AIM2: variants seen among roughly 807,000 people sequenced by gnomAD.
AIM2 encodes absent in melanoma 2.
AIM2 carries 30 observed loss-of-function variants against 27.7 expected under a neutral mutation model. The ratio of observed to expected loss-of-function variants is 1.08; its 90% CI spans 0.81 to 1.47. The LOEUF (loss-of-function observed/expected upper bound fraction) is 1.47. AIM2 is among the 40% of genes most tolerant of loss of function. The pLI, the probability that AIM2 is intolerant of heterozygous loss-of-function variation, is 0.00. For synonymous variants in AIM2, 141 were observed against 145.3 expected, an observed-to-expected ratio of 0.97 and a Z score of 0.21; for missense variants, 358 against 411.3, an observed-to-expected ratio of 0.87 and a Z score of 1.12.
intron 1 of AIM2, among the ~76,000 whole-genome samples, chr1:159,098,425 A>G (rs935651721): frequency 7.2e-5 from 11 of 152,194 alleles, no homozygotes; most frequent in African/African-American, 2.2e-4. Flanking sequence ...AAATATTAAT[A>G]AAAGTAAAAA....
At chr1:159,056,992 T>A in the AIM2 span, among the ~76,000 whole-genome samples, 1 of 152,182 alleles carries the variant, frequency 6.6e-6, no homozygotes, top group African/African-American at 2.4e-5. Context: ...GGGTACAGAT[T>A]GAAAATGAAT....
intron 1 of AIM2, among the ~76,000 whole-genome samples, chr1:159,133,356 T>A (rs1647943596): frequency 6.6e-6 from 1 of 152,212 alleles, no homozygotes; most frequent in South Asian, 2.1e-4. Context: ...ATAATGCTAT[T>A]CTCTCTCATT....
upstream of AIM2, among the ~76,000 whole-genome samples, chr1:159,080,043 T>G (rs1656739849): frequency 6.6e-6 from 1 of 152,188 alleles, no homozygotes. Flanking sequence ...CACTAAAAAA[T>G]ATTCCATTGT....
At chr1:159,110,178 A>G (rs1657534669) in intron 1 of AIM2, among the ~76,000 whole-genome samples, 1 of 152,188 alleles carries the variant, frequency 6.6e-6, no homozygotes, top group Non-Finnish European at 1.5e-5. Context: ...TCAACCAATG[A>G]GGATAAAGAG....
chr1:159,130,847 C>T (rs2852729), intron 1 of AIM2, among the ~76,000 whole-genome samples: 6,998 of 150,106 alleles, frequency 0.047, 544 homozygotes, highest in African/African-American at 0.16. Flanking sequence ...CACACACGCA[C>T]GCACTCTTCA....
chr1:159,074,521 G>T (rs1656511378), intron 1 of AIM2, among the ~76,000 whole-genome samples: 1 of 151,298 alleles, frequency 6.6e-6, no homozygotes, highest in African/African-American at 2.4e-5. Flanking sequence ...TCTTTATTCT[G>T]TCCATCAACC....
At chr1:159,127,724 G>A (rs1647758484) in intron 1 of AIM2, among the ~76,000 whole-genome samples, 2 of 152,148 alleles carry the variant, frequency 1.3e-5, no homozygotes, top group Admixed American at 6.5e-5. Context: ...CCATCTATGG[G>A]TCAGCAAGTG....
At chr1:159,066,440 A>C in intron 3 of AIM2, 111 bp from the exon 4 acceptor site, 2 of 1,132,862 alleles carry the variant, frequency 1.8e-6, no homozygotes, top group Non-Finnish European at 2.5e-6. Context: ...GATAGGTGGA[A>C]TCAAGGGAAG....
At chr1:159,060,878 T>A (rs1389160497), downstream of AIM2, among the ~76,000 whole-genome samples, 2 of 152,264 alleles carry the variant, frequency 1.3e-5, no homozygotes, top group Admixed American at 1.3e-4. Context: ...TGTGTGAACA[T>A]ACATAATTAT....
intron 1 of AIM2, among the ~76,000 whole-genome samples, chr1:159,111,454 G>A (rs904261250): frequency 8.5e-5 from 13 of 152,142 alleles, no homozygotes; most frequent in Admixed American, 2.0e-4. Flanking sequence ...TTTACATTAC[G>A]TGGGTTTCAC....
At chr1:159,124,150 A>G (rs1647615252) in intron 1 of AIM2, among the ~76,000 whole-genome samples, 1 of 152,022 alleles carries the variant, frequency 6.6e-6, no homozygotes, top group Non-Finnish European at 1.5e-5. Flanking sequence ...TGTTCCTAAT[A>G]TTTCTGCTCA....
intron 1 of AIM2, among the ~76,000 whole-genome samples, chr1:159,111,129 C>G (rs1278608486): frequency 6.6e-6 from 1 of 152,040 alleles, no homozygotes; most frequent in Non-Finnish European, 1.5e-5. Context: ...AATACCAGCT[C>G]ACAAAAACAA....
chr1:159,130,652 T>C (rs180904216), intron 1 of AIM2, among the ~76,000 whole-genome samples: 1 of 152,144 alleles, frequency 6.6e-6, no homozygotes, highest in East Asian at 1.9e-4. Context: ...CTTCTCTCTC[T>C]TTCTCTCCAC....
At chr1:159,137,166 G>T (rs946038679) in intron 1 of AIM2, among the ~76,000 whole-genome samples, 10 of 152,214 alleles carry the variant, frequency 6.6e-5, no homozygotes, top group Admixed American at 6.5e-4. Flanking sequence ...GTCAGTGATT[G>T]CCAGTGGCAC....
chr1:159,109,152 G>A (rs79071927), intron 1 of AIM2, among the ~76,000 whole-genome samples: 1 of 152,006 alleles, frequency 6.6e-6, no homozygotes, highest in South Asian at 2.1e-4. Context: ...TATACTATAA[G>A]GCCATAGTCA....
intron 1 of AIM2, among the ~76,000 whole-genome samples, chr1:159,088,633 G>A (rs1364394792): frequency 6.6e-6 from 1 of 152,172 alleles, no homozygotes; most frequent in East Asian, 1.9e-4. Flanking sequence ...TGACAGGTGG[G>A]GTCTTTAAGA....
chr1:159,111,370 CTAGT>C (rs1557908378), intron 1 of AIM2, among the ~76,000 whole-genome samples: 1 of 152,152 alleles, frequency 6.6e-6, no homozygotes, highest in Non-Finnish European at 1.5e-5. Context: ...TTATTTAAAA[CTAGT>C]TAGGTGGTGG....
intron 1 of AIM2, among the ~76,000 whole-genome samples, chr1:159,145,689 A>G (rs556418243): frequency 1.3e-5 from 2 of 152,324 alleles, no homozygotes; most frequent in South Asian, 2.1e-4. Flanking sequence ...CAAGGTCACA[A>G]GAAAGTCCAT....
At chr1:159,115,129 A>T (rs1557909912) in intron 1 of AIM2, among the ~76,000 whole-genome samples, 1 of 152,168 alleles carries the variant, frequency 6.6e-6, no homozygotes, top group Non-Finnish European at 1.5e-5. Flanking sequence ...CTTACAAGGG[A>T]TGTGAAGGAC....
Sources: gnomAD v4.1 joint callset for allele counts (sites outside exome capture counted in the v4.1 genomes callset) on GRCh38, gnomAD v4.1.1 for gene constraint, MANE v1.5 for transcripts, NCBI Gene and HGNC (gene_info 2026-07-23, HGNC 2026-07-21) for gene names.